The following VAT1L variants were observed in gnomAD, a reference collection of about 807,000 sequenced individuals.
The protein encoded by VAT1L is vesicle amine transport 1 like.
In VAT1L, 34 loss-of-function variants were observed where a neutral mutation model predicts 44.1. That is an observed-to-expected ratio of 0.77 (90% CI 0.59 to 1.03). VAT1L has a LOEUF of 1.03. Among genes scored for constraint, VAT1L ranks in the 50% least tolerant of loss-of-function variants. The probability of loss-of-function intolerance (pLI) is 0.00; values close to 1 mark genes in which losing one functional copy is unlikely to be tolerated. For missense variants in VAT1L, 615 were observed against 538.8 expected (o/e 1.14, Z -1.40); for synonymous variants, 253 against 202.2 (o/e 1.25, Z -2.13).
At chr16:77,832,177 T>C (rs2016587342) in intron 3 of VAT1L, among the ~76,000 whole-genome samples, 1 of 151,948 alleles carries the variant, frequency 6.6e-6, no homozygotes, top group Non-Finnish European at 1.5e-5. Flanking sequence ...TGTCAGGTGT[T>C]GGCATTAAGG....
intron 7 of VAT1L, among the ~76,000 whole-genome samples, chr16:77,924,921 A>C (rs1272079781): frequency 6.6e-6 from 1 of 152,130 alleles, no homozygotes; most frequent in Non-Finnish European, 1.5e-5. Context: ...CATTTTACTA[A>C]AGGATTTCTT....
chr16:77,953,382 G>C (rs2018065897), intron 7 of VAT1L, among the ~76,000 whole-genome samples: 1 of 152,110 alleles, frequency 6.6e-6, no homozygotes, highest in Non-Finnish European at 1.5e-5. Context: ...AGAATGATTA[G>C]TTTAGCTCAA....
In VAT1L at chr16:77,879,394, G is replaced by A. The variant is rs570873052; in HGVS notation, c.882+170G>A. On this transcript the variant is annotated intron_variant, in intron 6 of 8. Transcript: ENST00000302536. This position sits in a 1 kb window ranked among gnomAD's most constrained non-coding sequence, Gnocchi z 4.1. ...CAACCTCCGACTCCCTGGTTCAAGC[G>A]ATTCTCCTGCCTCAGCCTCCCTAGT... 3.6e-4 allele frequency among the ~76,000 whole-genome samples: 55 copies of A among 152,272 alleles called. 1 individual carries two copies. The highest frequency in any genetic ancestry group is 1.1e-3 in the African/African-American group (44 of 41,558).
At chr16:77,942,196 T>C (rs754675521) in intron 7 of VAT1L, among the ~76,000 whole-genome samples, 41 of 152,172 alleles carry the variant, frequency 2.7e-4, no homozygotes, top group Non-Finnish European at 3.4e-4. Context: ...TGGTGGAAGA[T>C]GAAAGGCATG....
At chr16:77,964,449 A>G (rs1296894455) in intron 7 of VAT1L, among the ~76,000 whole-genome samples, 1 of 151,854 alleles carries the variant, frequency 6.6e-6, no homozygotes, top group Non-Finnish European at 1.5e-5. Context: ...GCATCACTCC[A>G]AACTCTGCTT....
At chr16:77,949,045 G>C (rs750246478) in intron 7 of VAT1L, among the ~76,000 whole-genome samples, 3 of 152,168 alleles carry the variant, frequency 2.0e-5, no homozygotes, top group African/African-American at 4.8e-5. Flanking sequence ...TCAGTAATCT[G>C]TATCTATCAG....
At chr16:77,918,557 C>G (rs1200386653) in intron 7 of VAT1L, among the ~76,000 whole-genome samples, 4 of 152,100 alleles carry the variant, frequency 2.6e-5, no homozygotes, top group African/African-American at 9.7e-5. Context: ...TCGCTGTGAT[C>G]AACACTAGAA....
chr16:77,915,727 G>A (rs1358466195), intron 7 of VAT1L, among the ~76,000 whole-genome samples: 1 of 152,210 alleles, frequency 6.6e-6, no homozygotes, highest in East Asian at 1.9e-4. Flanking sequence ...GAGAACTAAT[G>A]GCAAGTGAGG....
intron 7 of VAT1L, among the ~76,000 whole-genome samples, chr16:77,959,625 G>A (rs1255260709): frequency 6.6e-6 from 1 of 151,888 alleles, no homozygotes; most frequent in Non-Finnish European, 1.5e-5. Context: ...CATAGCATAA[G>A]CCAAGTGCTA....
intron 1 of VAT1L, among the ~76,000 whole-genome samples, chr16:77,794,205 G>A (rs1214397999): frequency 6.6e-6 from 1 of 152,060 alleles, no homozygotes; most frequent in Non-Finnish European, 1.5e-5. Flanking sequence ...ACACAGACAG[G>A]AATACAGAGA....
chr16:77,826,143 C>G (rs35807388), intron 3 of VAT1L, among the ~76,000 whole-genome samples: 1 of 147,440 alleles, frequency 6.8e-6, no homozygotes, highest in Non-Finnish European at 1.5e-5. Flanking sequence ...GGAGGCAGAG[C>G]TTGCAGTGAG....
chr16:77,936,999 C>G lies in VAT1L; in HGVS notation c.1078-34851C>G, dbSNP rs149496178. Among the ~76,000 whole-genome samples the G allele has an allele frequency of 2.4e-3, 370 of 152,318 alleles. 3 individuals are homozygous for G. Among genetic ancestry groups the G allele is most frequent in the African/African-American group, 8.7e-3 (362 of 41,574 alleles). ...TACCGGGTTCAAGCAATTATCCTGCCTCAGCCTCCCGAGTAGCTGGGATTA... is the reference window on the plus strand; with the variant it reads ...TACCGGGTTCAAGCAATTATCCTGCGTCAGCCTCCCGAGTAGCTGGGATTA... On this transcript the variant is annotated intron_variant, in intron 7 of 8. Transcript: ENST00000302536.
intron 1 of VAT1L, among the ~76,000 whole-genome samples, chr16:77,810,945 T>G (rs1226472919): frequency 6.6e-6 from 1 of 152,192 alleles, no homozygotes; most frequent in African/African-American, 2.4e-5. Flanking sequence ...ACCAACCTAA[T>G]AAAACAATGG....
chr16:77,848,841 C>T (rs1255628127), intron 3 of VAT1L, among the ~76,000 whole-genome samples: 1 of 152,102 alleles, frequency 6.6e-6, no homozygotes, highest in African/African-American at 2.4e-5. Context: ...ACATATACAC[C>T]ATGGAATACC....
At chr16:77,956,664 T>C (rs1179237461) in intron 7 of VAT1L, among the ~76,000 whole-genome samples, 1 of 152,224 alleles carries the variant, frequency 6.6e-6, no homozygotes, top group African/African-American at 2.4e-5. Context: ...TCAGAGCCTA[T>C]AGTTTGCTCC....
chr16:77,800,473 T>C (rs2016026485), intron 1 of VAT1L: 1 of 152,258 alleles, frequency 6.6e-6, no homozygotes, highest in Non-Finnish European at 1.5e-5. Context: ...CTACCCTTCG[T>C]AGGTATCAGG....
At chr16:77,888,191 C>G (rs1025173388) in intron 7 of VAT1L, among the ~76,000 whole-genome samples, 2 of 152,256 alleles carry the variant, frequency 1.3e-5, no homozygotes, top group Non-Finnish European at 2.9e-5. Context: ...CCAGGCCATT[C>G]TGTCTCCCTT....
rs191447143 is a variant in VAT1L at position 77,828,948 on chromosome 16, T to G, written c.579+3487T>G. ...AAATCTGTGTTTTGAGCCACTAAGT[T>G]TGTGTTAATTTGTTGCCACTTATGG... On this transcript the variant is annotated intron_variant, in intron 3 of 8. Transcript: ENST00000302536. 3.9e-5 allele frequency among the ~76,000 whole-genome samples: 6 copies of G among 152,332 alleles called. No individual in the cohort carries two copies. In the East Asian group the frequency reaches 1.2e-3, roughly 29 times the overall value.
At chr16:77,817,778 A>G (rs954595733) in intron 2 of VAT1L, among the ~76,000 whole-genome samples, 14 of 152,216 alleles carry the variant, frequency 9.2e-5, no homozygotes, top group African/African-American at 3.1e-4. Flanking sequence ...AGTCTATAAA[A>G]ACTGAAAACC....
Sources: allele counts gnomAD v4.1 joint callset (sites outside exome capture counted in the v4.1 genomes callset), GRCh38; gene constraint gnomAD v4.1.1; non-coding constraint Gnocchi (gnomAD v3.1); transcripts MANE v1.5; gene names NCBI Gene and HGNC (gene_info 2026-07-23, HGNC 2026-07-21).